TCOF1: variants seen among roughly 807,000 people sequenced by gnomAD.
The protein encoded by TCOF1 is treacle protein.
Under a neutral mutation model 149.0 loss-of-function variants are expected in TCOF1, and 33 were observed. The ratio of observed to expected loss-of-function variants is 0.22; its 90% CI spans 0.17 to 0.30. The LOEUF is 0.30. TCOF1 is among the 10% of genes least tolerant of loss of function. The pLI, the probability that TCOF1 is intolerant of heterozygous loss-of-function variation, is 1.00. For missense variants in TCOF1, 1,728 were observed against 1,840.7 expected, an observed-to-expected ratio of 0.94 and a Z score of 1.12; for synonymous variants, 789 against 738.8, an observed-to-expected ratio of 1.07 and a Z score of -1.10.
chr5:150,360,461 C>CGTGCTTTGGGAAGATTGGCT, intron 1 of TCOF1, among the ~76,000 whole-genome samples: 1 of 152,268 alleles, frequency 6.6e-6, no homozygotes, highest in East Asian at 1.9e-4. Flanking sequence ...GGCTGTGATT[C>CGTGCTTTGGGAAGATTGGCT]GTGCTTTGGG....
intron 12 of TCOF1, 54 bp downstream of exon 12, chr5:150,375,963 A>C: frequency 6.2e-7 from 1 of 1,613,940 alleles, no homozygotes; most frequent in Admixed American, 1.7e-5. Context: ...CACCACAGTC[A>C]GCACCCCCGG....
chr5:150,386,487 A>G (rs1164713952), intron 17 of TCOF1, among the ~76,000 whole-genome samples: 2 of 152,150 alleles, frequency 1.3e-5, no homozygotes, highest in East Asian at 3.8e-4. Context: ...AGCCCAGAGA[A>G]GCTTCCACCC....
At chr5:150,391,346 G>T (rs908362229) in intron 19 of TCOF1, among the ~76,000 whole-genome samples, 198 bp from the exon 20 acceptor site, 1 of 152,202 alleles carries the variant, frequency 6.6e-6, no homozygotes, top group Admixed American at 6.5e-5. Flanking sequence ...CCCTGCCCTG[G>T]GCTGGGAACT....
At chr5:150,374,126 G>T in intron 7 of TCOF1, 48 bp from the exon 8 acceptor site, 2 of 1,577,272 alleles carry the variant, frequency 1.3e-6, no homozygotes, top group South Asian at 1.1e-5. Flanking sequence ...GGCATCACCA[G>T]AGAGTTTTCA....
At chr5:150,368,998 CA>C (rs2150559600) in intron 5 of TCOF1, 96 bp downstream of exon 5, 1 of 1,510,230 alleles carries the variant, frequency 6.6e-7, no homozygotes, top group East Asian at 2.3e-5. Context: ...TTTCTGGAAT[CA>C]AAAGTTTGTC....
intron 26 of TCOF1, 98 bp downstream of exon 26, chr5:150,399,168 T>G: frequency 7.2e-5 from 112 of 1,545,550 alleles, no homozygotes; most frequent in Non-Finnish European, 9.1e-5. Flanking sequence ...AGGTGGGCTC[T>G]AAGGGGAAAG....
rs548803176 is a variant in TCOF1, at chr5:150,368,996, A to G, written c.565+94A>G. ...CTTTAAGTTCTGGGACATTTCTGGA[A>G]TCAAAAGTTTGTCTCCAGGACAGCC... On this transcript the variant is annotated intron_variant, in intron 5 of 26. Transcript: ENST00000643257. 3.0e-4 allele frequency: 457 copies of G among 1,526,710 alleles called. 1 individual carries two copies. Among genetic ancestry groups the G allele is most frequent in the Middle Eastern group, 1.4e-3 (6 of 4,356 alleles). The allele number at this position is 1,526,710 out of a possible 1,614,324, so 94.6% of individuals were successfully genotyped here.
chr5:150,374,112 T>TA, intron 7 of TCOF1, 62 bp from the exon 8 acceptor site: 1 of 1,546,392 alleles, frequency 6.5e-7, no homozygotes, highest in East Asian at 2.4e-5. Flanking sequence ...GACTTTATCC[T>TA]AAAGGCATCA....
intron 1 of TCOF1, among the ~76,000 whole-genome samples, chr5:150,358,281 C>T (rs569726285): frequency 6.6e-6 from 1 of 152,204 alleles, no homozygotes; most frequent in African/African-American, 2.4e-5. Context: ...GGAAAAGGGA[C>T]CCTACAGCCT....
intron 23 of TCOF1, among the ~76,000 whole-genome samples, chr5:150,395,993 T>C (rs1319865578): frequency 6.6e-6 from 1 of 152,162 alleles, no homozygotes; most frequent in Admixed American, 6.6e-5. Flanking sequence ...TTCAGGCCCT[T>C]TCATTAACAT....
rs1037308964 is a variant in TCOF1 at position 150,368,858 on chromosome 5, A to C, written c.521A>C (p.Glu174Ala). 1 of 1,613,944 alleles carries C rather than the reference A, an allele frequency of 6.2e-7. No individual in the cohort carries two copies. Among genetic ancestry groups the C allele is most frequent in the African/African-American group, 1.3e-5 (1 of 75,056 alleles). ...SANTTLVSETEEEGSVPAFGA... is the reference protein window; with the variant it reads ...SANTTLVSETAEEGSVPAFGA... ...AATACTACGTTGGTCTCAGAAACTGAGGAGGAGGGCAGCGTCCCGGCCTTT... is the reference window on the plus strand; with the variant it reads ...AATACTACGTTGGTCTCAGAAACTGCGGAGGAGGGCAGCGTCCCGGCCTTT... Residue 174 changes from glutamate (E) to alanine (A), a missense_variant, in exon 5 of 27, where the codon GAG becomes GCG. Coordinates refer to ENST00000643257, the MANE Select transcript of TCOF1 (RefSeq NM_001371623.1).
intron 17 of TCOF1, chr5:150,383,844 C>G (rs1048425168): frequency 6.4e-7 from 1 of 1,551,026 alleles, no homozygotes; most frequent in Non-Finnish European, 8.7e-7. Flanking sequence ...AGCCACAGTC[C>G]TGCTCAGGCT....
At chr5:150,358,302 C>T (rs1289171724) in intron 1 of TCOF1, among the ~76,000 whole-genome samples, 1 of 152,096 alleles carries the variant, frequency 6.6e-6, no homozygotes, top group Non-Finnish European at 1.5e-5. Context: ...CTTAGTTGAG[C>T]TGGAACTCAG....
intron 17 of TCOF1, among the ~76,000 whole-genome samples, chr5:150,386,659 G>A (rs1217142120): frequency 2.0e-5 from 3 of 152,244 alleles, no homozygotes; most frequent in Non-Finnish European, 2.9e-5. Context: ...GCCTCAGGCA[G>A]CTCCCTCTTC....
intron 2 of TCOF1, 101 bp downstream of exon 2, chr5:150,361,312 A>G: frequency 1.4e-6 from 2 of 1,396,090 alleles, no homozygotes; most frequent in South Asian, 2.3e-5. Flanking sequence ...CTGTCCCCAT[A>G]GCCCACTGTG....
chr5:150,364,044 C>G, intron 2 of TCOF1, 69 bp from the exon 3 acceptor site: 1 of 1,610,716 alleles, frequency 6.2e-7, no homozygotes, highest in Non-Finnish European at 8.5e-7. Context: ...GCGGGAAGGT[C>G]TGTCTAGTCA....
chr5:150,365,258 T>TC (rs1162671470), intron 3 of TCOF1, among the ~76,000 whole-genome samples: 1 of 141,066 alleles, frequency 7.1e-6, no homozygotes, highest in African/African-American at 3.0e-5. Context: ...TCTTTCTTTT[T>TC]TTTTTTTTTT....
In TCOF1 at chr5:150,387,911, C is replaced by G; in HGVS notation, c.2869C>G (p.Pro957Ala). The G allele has an allele frequency of 1.9e-6, 3 of 1,613,876 alleles. No individual in the cohort carries two copies. The highest frequency in any genetic ancestry group is 2.5e-6 in the Non-Finnish European group (3 of 1,180,014). ...GTTTTTGTTTTTCAAGGTGATTAAA[C>G]CCCCTCTGATTTTTGTCGACCCTAA... ...AAVTSAQVIKPPLIFVDPNRS... is the reference protein window; with the variant it reads ...AAVTSAQVIKAPLIFVDPNRS... The change falls in exon 18 of 27, where the codon CCC (proline) becomes GCC (alanine). Residue 957 changes from proline to alanine, a missense_variant. Coordinates refer to ENST00000643257, the MANE Select transcript of TCOF1 (RefSeq NM_001371623.1).
At chr5:150,366,322 G>C (rs911632960) in intron 3 of TCOF1, among the ~76,000 whole-genome samples, 1 of 152,170 alleles carries the variant, frequency 6.6e-6, no homozygotes, top group African/African-American at 2.4e-5. Flanking sequence ...CTGTACTCCA[G>C]CCTGGGCAGC....
Sources: gnomAD v4.1 joint callset for allele counts (sites outside exome capture counted in the v4.1 genomes callset) on GRCh38, gnomAD v4.1.1 for gene constraint, MANE v1.5 for transcripts, NCBI Gene and HGNC (gene_info 2026-07-23, HGNC 2026-07-21) for gene names.